DNAJC1: variants seen among roughly 807,000 people sequenced by gnomAD.
The protein encoded by DNAJC1 is DnaJ heat shock protein family (Hsp40) member C1, also known as dnaJ homolog subfamily C member 1.
Under a neutral mutation model 76.6 loss-of-function variants are expected in DNAJC1, and 58 were observed. The ratio of observed to expected loss-of-function variants is 0.76; its 90% CI spans 0.61 to 0.94. The LOEUF (loss-of-function observed/expected upper bound fraction) is 0.94. Among genes scored for constraint, DNAJC1 ranks in the 40% least tolerant of loss-of-function variants. The pLI is 0.00. For synonymous variants in DNAJC1, 258 were observed against 267.9 expected, an observed-to-expected ratio of 0.96 and a Z score of 0.36; for missense variants, 689 against 677.3, an observed-to-expected ratio of 1.02 and a Z score of -0.19.
At chr10:21,972,848 G>T (rs894805288) in intron 1 of DNAJC1, among the ~76,000 whole-genome samples, 1 of 151,876 alleles carries the variant, frequency 6.6e-6, no homozygotes, top group East Asian at 1.9e-4. Flanking sequence ...GGGTATTTCA[G>T]GTTGAAAATA....
At chr10:21,827,753 T>C (rs1835286296) in intron 8 of DNAJC1, among the ~76,000 whole-genome samples, 1 of 152,232 alleles carries the variant, frequency 6.6e-6, no homozygotes, top group Non-Finnish European at 1.5e-5. Context: ...AATAATATCA[T>C]ATTCTGAAGT....
At chr10:21,900,171 C>T (rs1205611597) in intron 7 of DNAJC1, among the ~76,000 whole-genome samples, 2 of 151,842 alleles carry the variant, frequency 1.3e-5, no homozygotes, top group Non-Finnish European at 2.9e-5. Flanking sequence ...GGTGAAACCC[C>T]GTTTCTATTA....
chr10:21,842,088 G>T (rs1021035479), intron 8 of DNAJC1, among the ~76,000 whole-genome samples: 1 of 123,098 alleles, frequency 8.1e-6, no homozygotes, highest in African/African-American at 3.0e-5. Flanking sequence ...CACACACCTG[G>T]GACTGTTGTG....
chr10:21,764,448 C>T (rs1024396998), intron 10 of DNAJC1, among the ~76,000 whole-genome samples: 8 of 152,152 alleles, frequency 5.3e-5, no homozygotes, highest in African/African-American at 1.7e-4. Context: ...ACTAAAGCAA[C>T]TCTCTTAAGA....
chr10:21,766,968 TAAAAAA>T (rs1275709137), intron 9 of DNAJC1, among the ~76,000 whole-genome samples: 2 of 69,884 alleles, frequency 2.9e-5, no homozygotes, highest in Non-Finnish European at 5.5e-5. Context: ...AGACCCTGCC[TAAAAAA>T]AAAAAAAAAA....
rs542235402 is a variant in DNAJC1, at chr10:21,996,664, A to C, written c.222+6549T>G. ...AAGAGTGTTCTCATAATTAGTGTAAAGAAAAAACTGAGAATAGCATAAAAG... is the reference window on the plus strand; with the variant it reads ...AAGAGTGTTCTCATAATTAGTGTAACGAAAAAACTGAGAATAGCATAAAAG... On this transcript the variant is annotated intron_variant, in intron 1 of 11. Coordinates refer to ENST00000376980, the MANE Select transcript of DNAJC1 (RefSeq NM_022365.4). Among the ~76,000 whole-genome samples the C allele has an allele frequency of 7.9e-4, 120 of 152,344 alleles. 1 individual carries two copies. Among genetic ancestry groups the C allele is most frequent in the Non-Finnish European group, 1.4e-3 (98 of 68,010 alleles).
At chr10:21,932,846 C>T (rs1837250242) in intron 1 of DNAJC1, among the ~76,000 whole-genome samples, 1 of 152,172 alleles carries the variant, frequency 6.6e-6, no homozygotes, top group Admixed American at 6.5e-5. Context: ...TGGTCTCAAA[C>T]TCCTTGGCCT....
chr10:21,996,672 CTG>C (rs1291979887), intron 1 of DNAJC1, among the ~76,000 whole-genome samples: 6 of 152,052 alleles, frequency 3.9e-5, no homozygotes. Flanking sequence ...AAAGAAAAAA[CTG>C]AGAATAGCAT....
intron 7 of DNAJC1, among the ~76,000 whole-genome samples, chr10:21,896,832 A>G (rs1024090668): frequency 6.6e-6 from 1 of 152,152 alleles, no homozygotes; most frequent in Non-Finnish European, 1.5e-5. Context: ...TTAAGAGGAA[A>G]AGGCCACTGG....
At chr10:21,918,757 A>G in intron 6 of DNAJC1, 22 bp downstream of exon 6, 1 of 1,543,210 alleles carries the variant, frequency 6.5e-7, no homozygotes, top group Non-Finnish European at 9.0e-7. Flanking sequence ...ATCTAATGTT[A>G]TATAAAAGAG....
Position 21,766,243 on chromosome 10 carries a change from G to C in DNAJC1, c.1147+18C>G. The C allele has an allele frequency of 1.3e-6, 2 of 1,580,928 alleles. No individual in the cohort carries two copies. The highest frequency in any genetic ancestry group is 2.2e-5 in the East Asian group (1 of 44,714). On this transcript the variant is annotated intron_variant, in intron 10 of 11. Coordinates refer to ENST00000376980, the MANE Select transcript of DNAJC1 (RefSeq NM_022365.4). ...GAAACCACTTTAGATTAATGAGATAGAGGAAGTATGAACTCACCTGGGGAG... is the reference window on the plus strand; with the variant it reads ...GAAACCACTTTAGATTAATGAGATACAGGAAGTATGAACTCACCTGGGGAG...
At chr10:21,824,259 G>A (rs1440896045) in intron 8 of DNAJC1, among the ~76,000 whole-genome samples, 7 of 152,150 alleles carry the variant, frequency 4.6e-5, no homozygotes, top group Non-Finnish European at 7.4e-5. Flanking sequence ...AAGAGCGGCT[G>A]TCATACCCCA....
chr10:21,866,134 CAAAA>C (rs1306930222), intron 8 of DNAJC1, among the ~76,000 whole-genome samples: 1 of 34,028 alleles, frequency 2.9e-5, no homozygotes, highest in Non-Finnish European at 6.6e-5. Flanking sequence ...GACTTCAACT[CAAAA>C]AAAAAAAAAA....
At chr10:21,934,102 T>C (rs1352555738) in intron 1 of DNAJC1, among the ~76,000 whole-genome samples, 1 of 152,130 alleles carries the variant, frequency 6.6e-6, no homozygotes, top group Non-Finnish European at 1.5e-5. Context: ...CCATGCATGT[T>C]ACTGACCCTG....
At chr10:21,831,906 C>G (rs1835361783) in intron 8 of DNAJC1, among the ~76,000 whole-genome samples, 1 of 151,830 alleles carries the variant, frequency 6.6e-6, no homozygotes, top group Non-Finnish European at 1.5e-5. Context: ...GATACATTTA[C>G]TCTTATGTCT....
chr10:21,814,461 A>G (rs1298269765), intron 8 of DNAJC1, among the ~76,000 whole-genome samples: 1 of 152,228 alleles, frequency 6.6e-6, no homozygotes, highest in African/African-American at 2.4e-5. Flanking sequence ...ATGAGCATGA[A>G]AAGAGAAATT....
intron 1 of DNAJC1, among the ~76,000 whole-genome samples, chr10:21,951,140 T>C (rs1300504991): frequency 6.6e-6 from 1 of 152,018 alleles, no homozygotes; most frequent in Non-Finnish European, 1.5e-5. Flanking sequence ...ACCAACATGG[T>C]GAAACCACGT....
At chr10:21,987,850 G>A (rs1838270990) in intron 1 of DNAJC1, among the ~76,000 whole-genome samples, 1 of 152,082 alleles carries the variant, frequency 6.6e-6, no homozygotes, top group South Asian at 2.1e-4. Flanking sequence ...AATTCCACCA[G>A]TCCCACAATT....
intron 8 of DNAJC1, among the ~76,000 whole-genome samples, chr10:21,847,604 T>A (rs2131684946): frequency 6.6e-6 from 1 of 152,288 alleles, no homozygotes; most frequent in East Asian, 1.9e-4. Context: ...CCTACCTTTG[T>A]CAGCCTCTAG....
Sources: allele counts gnomAD v4.1 joint callset (sites outside exome capture counted in the v4.1 genomes callset), GRCh38; gene constraint gnomAD v4.1.1; transcripts MANE v1.5; gene names NCBI Gene and HGNC (gene_info 2026-07-23, HGNC 2026-07-21).